Variants in MED12L observed in about 807,000 individuals in gnomAD.
MED12L encodes the protein mediator complex subunit 12L, also known as mediator of RNA polymerase II transcription subunit 12-like protein.
Under a neutral mutation model 281.3 loss-of-function variants are expected in MED12L, and 60 were observed. That is an observed-to-expected ratio of 0.21 (90% CI 0.17 to 0.26). The LOEUF (loss-of-function observed/expected upper bound fraction) is 0.26, where lower values mean the gene tolerates loss of function less well. Among genes scored for constraint, MED12L ranks in the 10% least tolerant of loss-of-function variants. The pLI, the probability that MED12L is intolerant of heterozygous loss-of-function variation, is 1.00. For synonymous variants in MED12L, 974 were observed against 987.2 expected, an observed-to-expected ratio of 0.99 and a Z score of 0.25; for missense variants, 2,146 against 2,680.9, an observed-to-expected ratio of 0.80 and a Z score of 4.41.
intron 16 of MED12L, among the ~76,000 whole-genome samples, chr3:151,307,655 G>T (rs1163275165): frequency 2.0e-5 from 3 of 150,192 alleles, no homozygotes; most frequent in African/African-American, 7.3e-5. Context: ...GTGTCTAATG[G>T]TTCTTTATAA....
intron 11 of MED12L, among the ~76,000 whole-genome samples, chr3:151,170,278 T>C (rs1721262614): frequency 7.3e-6 from 1 of 137,914 alleles, no homozygotes; most frequent in Non-Finnish European, 1.6e-5. Flanking sequence ...TTTCTTTTTC[T>C]TTTTTTTTTT....
rs868595262 is a variant in MED12L, at chr3:151,369,685, G to A, written c.3664+136G>A. 7.0e-6 allele frequency: 4 copies of A among 569,018 alleles called. No individual in the cohort carries two copies. The South Asian group carries it at 1.1e-4, about 15-fold the overall frequency. 35.2% of individuals were successfully genotyped at this position (569,018 alleles called of 1,614,324 possible). ...ATCGCTTATTCTCCTGGAAAAATTAGTGGTTTCTCCTAGACCAAATACATC... is the reference window on the plus strand; with the variant it reads ...ATCGCTTATTCTCCTGGAAAAATTAATGGTTTCTCCTAGACCAAATACATC... On this transcript the variant is annotated intron_variant, in intron 26 of 44. Coordinates refer to ENST00000687756, the MANE Select transcript of MED12L (RefSeq NM_001393769.1).
chr3:151,374,259 A>G (rs888907192), intron 27 of MED12L, among the ~76,000 whole-genome samples: 1 of 152,236 alleles, frequency 6.6e-6, no homozygotes, highest in South Asian at 2.1e-4. Context: ...TCAAAAATGT[A>G]CACTAGGCTA....
At chr3:151,335,318 A>G (rs1433782529) in intron 16 of MED12L, among the ~76,000 whole-genome samples, 1 of 152,192 alleles carries the variant, frequency 6.6e-6, no homozygotes, top group Non-Finnish European at 1.5e-5. Flanking sequence ...CTACTCTCAT[A>G]AATATGTACA....
intron 16 of MED12L, among the ~76,000 whole-genome samples, chr3:151,334,523 A>G (rs1750743705): frequency 6.6e-6 from 1 of 151,394 alleles, no homozygotes; most frequent in Admixed American, 6.6e-5. Flanking sequence ...TTATTTATTT[A>G]GAGATGGAGT....
intron 22 of MED12L, among the ~76,000 whole-genome samples, chr3:151,365,631 T>C (rs940610483): frequency 6.7e-6 from 1 of 150,220 alleles, no homozygotes; most frequent in Non-Finnish European, 1.5e-5. Context: ...ATGTACTGAT[T>C]ATTGTTTGTT....
rs201767487 is a variant in MED12L, at chr3:151,385,013, C to G, written c.4927-17C>G. 319 of 1,316,470 alleles carry G rather than the reference C, an allele frequency of 2.4e-4. 2 individuals carry two copies. The African/African-American group carries it at 3.9e-3, about 16-fold the overall frequency. The allele number at this position is 1,316,470 out of a possible 1,614,324, so 81.5% of individuals were successfully genotyped here. On this transcript the variant is annotated splice_polypyrimidine_tract_variant and intron_variant, in intron 35 of 44. Transcript: ENST00000687756. The stretch of plus-strand genomic sequence containing the variant: ...CTGTCCCACTTCTCACTCTCTCTCT[C>G]TCTCTTTTTTCTTTAGAAAGAGCTA...
intron 1 of MED12L, chr3:151,086,566 TCA>T (rs1719233852): frequency 5.9e-6 from 1 of 169,748 alleles, no homozygotes; most frequent in Non-Finnish European, 1.2e-5. Context: ...GTGAAAAAAG[TCA>T]CACGTTCCCA....
intron 5 of MED12L, among the ~76,000 whole-genome samples, chr3:151,150,113 A>G (rs1231834616): frequency 2.0e-5 from 3 of 152,224 alleles, no homozygotes; most frequent in African/African-American, 7.2e-5. Flanking sequence ...AATCCTTTCC[A>G]GAAGCTTTTC....
At chr3:151,349,416 A>ACATGTATCT (rs1752953700) in intron 16 of MED12L, among the ~76,000 whole-genome samples, 1 of 152,178 alleles carries the variant, frequency 6.6e-6, no homozygotes, top group African/African-American at 2.4e-5. Flanking sequence ...AAATAAATAT[A>ACATGTATCT]CATGTATCTC....
chr3:151,167,201 T>C (rs1720835314), intron 11 of MED12L, among the ~76,000 whole-genome samples: 2 of 152,234 alleles, frequency 1.3e-5, no homozygotes, highest in South Asian at 4.1e-4. Context: ...CACACATATC[T>C]AGCAATAGAT....
chr3:151,340,233 T>A (rs1303961047), intron 16 of MED12L, among the ~76,000 whole-genome samples: 1 of 152,206 alleles, frequency 6.6e-6, no homozygotes, highest in Non-Finnish European at 1.5e-5. Flanking sequence ...TTTTGGAAAT[T>A]CGACTTAGTG....
At chr3:151,144,181 T>G (rs1488802630) in intron 5 of MED12L, among the ~76,000 whole-genome samples, 21 of 152,166 alleles carry the variant, frequency 1.4e-4, no homozygotes, top group Admixed American at 1.4e-3. Flanking sequence ...ATTCTTGTTC[T>G]AAGGGCTAAA....
intron 16 of MED12L, among the ~76,000 whole-genome samples, chr3:151,321,674 A>G (rs1203761989): frequency 6.6e-6 from 1 of 152,212 alleles, no homozygotes; most frequent in African/African-American, 2.4e-5. Context: ...TATATTTGTC[A>G]GTTTGAGTTG....
intron 2 of MED12L, among the ~76,000 whole-genome samples, chr3:151,090,416 T>G (rs1331181797): frequency 6.6e-6 from 1 of 152,160 alleles, no homozygotes; most frequent in Non-Finnish European, 1.5e-5. Context: ...TCATTTACAA[T>G]TATATACTTA....
chr3:151,338,972 T>A, intron 16 of MED12L: 3 of 881,056 alleles, frequency 3.4e-6, no homozygotes, highest in Non-Finnish European at 5.5e-6. Context: ...AGGTTTCTCA[T>A]CTTCATTGTA....
chr3:151,223,187 A>AAAAC (rs67806148), intron 16 of MED12L, among the ~76,000 whole-genome samples: 3 of 151,104 alleles, frequency 2.0e-5, no homozygotes, highest in Non-Finnish European at 4.4e-5. Flanking sequence ...AAAAAAAAAA[A>AAAAC]AAACTAGATG....
At chr3:151,178,692 T>C (rs1722372838) in intron 11 of MED12L, among the ~76,000 whole-genome samples, 1 of 152,146 alleles carries the variant, frequency 6.6e-6, no homozygotes, top group African/African-American at 2.4e-5. Flanking sequence ...ATTTGTAAAC[T>C]GGGGATAATA....
intron 11 of MED12L, among the ~76,000 whole-genome samples, chr3:151,174,774 G>A (rs981530077): frequency 6.6e-6 from 1 of 152,090 alleles, no homozygotes; most frequent in Non-Finnish European, 1.5e-5. Context: ...CTGGAGTGCG[G>A]TGGTGCGATC....
Sources: gnomAD v4.1 joint callset for allele counts (sites outside exome capture counted in the v4.1 genomes callset) on GRCh38, gnomAD v4.1.1 for gene constraint, MANE v1.5 for transcripts, NCBI Gene and HGNC (gene_info 2026-07-23, HGNC 2026-07-21) for gene names.